The following SPAG9 variants were observed in gnomAD, a reference collection of about 807,000 sequenced individuals.
SPAG9 encodes the protein C-Jun-amino-terminal kinase-interacting protein 4.
Under a neutral mutation model 166.5 loss-of-function variants are expected in SPAG9, and 35 were observed. That is an observed-to-expected ratio of 0.21 (90% CI 0.16 to 0.28). The LOEUF is 0.28. SPAG9 is among the 10% of genes least tolerant of loss of function. The pLI, the probability that SPAG9 is intolerant of heterozygous loss-of-function variation, is 1.00. For missense variants in SPAG9, 1,235 were observed against 1,603.3 expected (o/e 0.77, Z 3.92); for synonymous variants, 534 against 565.5 (o/e 0.94, Z 0.79).
chr17:51,105,401 G>A (rs2048919258), intron 1 of SPAG9, among the ~76,000 whole-genome samples: 1 of 152,112 alleles, frequency 6.6e-6, no homozygotes, highest in Non-Finnish European at 1.5e-5. Flanking sequence ...AACAAGACAG[G>A]CATTTATGAG....
rs1567960921 is a variant in SPAG9, at chr17:50,982,586, T to C, written c.3175A>G (p.Lys1059Glu). 1 of 1,614,114 alleles carries C rather than the reference T, an allele frequency of 6.2e-7. No individual in the cohort carries two copies. The highest frequency in any genetic ancestry group is 8.5e-7 in the Non-Finnish European group (1 of 1,179,990). The change falls in exon 25 of 30, where the codon AAA becomes GAA. Residue 1059 changes from lysine (K) to glutamate (E), a missense_variant. Around this residue, in one of 6 missense-constraint regions of SPAG9, gnomAD observed 243 missense variants for 358.6 expected, o/e 0.68. Transcript: ENST00000262013. Reference protein sequence around the residue: ...SIRCMTVVHDKVWCGYRNKIY... With the variant: ...SIRCMTVVHDEVWCGYRNKIY... The stretch of plus-strand genomic sequence containing the variant: ...TTGTTCCTATAGCCACACCAGACTT[T>C]GTCATGTACCACAGTCATGCAACGG...
intron 9 of SPAG9, among the ~76,000 whole-genome samples, chr17:51,012,564 T>C (rs2045531570): frequency 6.6e-6 from 1 of 150,668 alleles, no homozygotes; most frequent in South Asian, 2.1e-4. Context: ...AGTGAGACTA[T>C]GTCTCAAAAA....
At chr17:51,048,369 T>C (rs1339616656) in intron 3 of SPAG9, among the ~76,000 whole-genome samples, 2 of 151,736 alleles carry the variant, frequency 1.3e-5, no homozygotes, top group Non-Finnish European at 2.9e-5. Flanking sequence ...CAAGAAATAG[T>C]GTGTTAGTAT....
chr17:51,096,735 T>C (rs1419650282), intron 1 of SPAG9, among the ~76,000 whole-genome samples: 1 of 152,160 alleles, frequency 6.6e-6, no homozygotes, highest in Non-Finnish European at 1.5e-5. Flanking sequence ...TGCATATGTA[T>C]ATCAACATGG....
Position 51,120,606 on chromosome 17 carries a change from C to G in SPAG9, c.51G>C (p.Gly17=). ...VVYQEEPGGS[G]AVMSERVSGL... is the part of the protein sequence containing the mutation. ...CGGACACCCGCTCCGACATCACGGC[C>G]CCGGAGCCGCCGGGCTCCTCCTGAT... The change falls in exon 1 of 30, where the codon GGG becomes GGC. Residue 17 remains glycine (G), a synonymous_variant. Coordinates refer to ENST00000262013, the MANE Select transcript of SPAG9 (RefSeq NM_001130528.3). This position sits in a 1 kb window ranked among gnomAD's most constrained non-coding sequence, Gnocchi z 4.7. The G allele has an allele frequency of 6.2e-7, 1 of 1,612,636 alleles. No individual in the cohort carries two copies. The highest frequency in any genetic ancestry group is 8.5e-7 in the Non-Finnish European group (1 of 1,179,522).
At chr17:51,070,849 T>A (rs1233628393) in intron 2 of SPAG9, among the ~76,000 whole-genome samples, 3 of 152,062 alleles carry the variant, frequency 2.0e-5, no homozygotes, top group African/African-American at 7.2e-5. Context: ...TAAAGCATAG[T>A]CCTCAGGGAA....
intron 1 of SPAG9, among the ~76,000 whole-genome samples, chr17:51,082,903 T>C (rs1449772096): frequency 1.3e-5 from 2 of 152,114 alleles, no homozygotes; most frequent in South Asian, 2.1e-4. Context: ...TGTAATTTGA[T>C]TGGTGATGAC....
At chr17:51,087,956 C>T (rs1445732924) in intron 1 of SPAG9, among the ~76,000 whole-genome samples, 1 of 151,926 alleles carries the variant, frequency 6.6e-6, no homozygotes, top group Non-Finnish European at 1.5e-5. Context: ...TGTTGCCCAG[C>T]CTGGTCTCGA....
At position 51,020,255 on chromosome 17, in the gene SPAG9, G is replaced by A. The variant is rs1287052633; in HGVS notation, c.995C>T (p.Ser332Phe). Residue 332 changes from serine to phenylalanine, a missense_variant, in exon 8 of 30, where the codon TCT becomes TTT. By Grantham distance (155) the Ser-to-Phe change is radical. Transcript: ENST00000262013. ...TTCTGACTTTTCTTCATTTTCAGCAGAGCCTTAAAAAAGGACATGATGAAA... is the reference window on the plus strand; with the variant it reads ...TTCTGACTTTTCTTCATTTTCAGCAAAGCCTTAAAAAAGGACATGATGAAA... ...AQETRNVSTGSAENEEKSEVQ... is the reference protein window; with the variant it reads ...AQETRNVSTGFAENEEKSEVQ... The A allele has an allele frequency of 2.5e-6, 4 of 1,606,206 alleles. No homozygotes were observed.
At chr17:51,089,663 T>TATATACACACAC (rs1403230293) in intron 1 of SPAG9, among the ~76,000 whole-genome samples, 52 of 78,248 alleles carry the variant, frequency 6.6e-4, no homozygotes, top group African/African-American at 2.1e-3. Flanking sequence ...TATATATATA[T>TATATACACACAC]ACACATACAC....
chr17:51,089,946 G>C (rs1000136815), intron 1 of SPAG9, among the ~76,000 whole-genome samples: 10 of 150,816 alleles, frequency 6.6e-5, no homozygotes, highest in African/African-American at 2.4e-4. Context: ...CCAAAGTGCT[G>C]GATTACAGGC....
At chr17:50,984,794 G>T in intron 24 of SPAG9, 129 bp downstream of exon 24, 1 of 755,910 alleles carries the variant, frequency 1.3e-6, no homozygotes, top group South Asian at 1.6e-5. Flanking sequence ...TATATTTACT[G>T]ATGTTGTGTA....
intron 3 of SPAG9, among the ~76,000 whole-genome samples, chr17:51,054,915 CGT>C (rs2047318879): frequency 6.6e-6 from 1 of 152,116 alleles, no homozygotes; most frequent in Non-Finnish European, 1.5e-5. Context: ...TCAAATCTCA[CGT>C]GTCAAGGCTA....
chr17:51,076,974 T>C (rs1040908328), intron 2 of SPAG9, among the ~76,000 whole-genome samples: 2 of 144,568 alleles, frequency 1.4e-5, no homozygotes, highest in Non-Finnish European at 3.1e-5. Flanking sequence ...TGTCTCTATC[T>C]ATCTATCTTA....
At chr17:50,979,665 A>T in intron 26 of SPAG9, 81 bp downstream of exon 26, 3 of 1,337,074 alleles carry the variant, frequency 2.2e-6, no homozygotes, top group Non-Finnish European at 3.2e-6. Context: ...ACAAAGCAAG[A>T]CCTCATTTCA....
At chr17:51,020,645 C>G (rs1465742607) in intron 7 of SPAG9, among the ~76,000 whole-genome samples, 2 of 152,160 alleles carry the variant, frequency 1.3e-5, no homozygotes, top group East Asian at 3.8e-4. Flanking sequence ...ACTCCTGGCC[C>G]CAATAGTTTC....
intron 2 of SPAG9, among the ~76,000 whole-genome samples, chr17:51,073,435 C>G (rs1192087614): frequency 2.6e-5 from 4 of 151,972 alleles, no homozygotes; most frequent in African/African-American, 9.7e-5. Flanking sequence ...CTACAGTGAG[C>G]CATGATCACA....
chr17:50,993,617 G>T, intron 19 of SPAG9, 147 bp downstream of exon 19: 1 of 608,296 alleles, frequency 1.6e-6, no homozygotes, highest in Non-Finnish European at 2.7e-6. Flanking sequence ...TTTATTCAAT[G>T]GTTTCCAGTT....
chr17:51,050,717 C>G (rs1485132015), intron 3 of SPAG9, among the ~76,000 whole-genome samples: 4 of 150,140 alleles, frequency 2.7e-5, no homozygotes, highest in African/African-American at 9.8e-5. Context: ...CAGTATCACT[C>G]AGGTTAAAAA....
Sources: allele counts gnomAD v4.1 joint callset (sites outside exome capture counted in the v4.1 genomes callset), GRCh38; gene constraint gnomAD v4.1.1; regional missense constraint gnomAD v4.1.1; non-coding constraint Gnocchi (gnomAD v3.1); transcripts MANE v1.5; gene names NCBI Gene and HGNC (gene_info 2026-07-23, HGNC 2026-07-21).